The following DYSF variants were observed in gnomAD, a reference collection of about 807,000 sequenced individuals.
The protein encoded by DYSF is dysferlin.
Under a neutral mutation model 274.9 loss-of-function variants are expected in DYSF, and 212 were observed. The observed-to-expected ratio is 0.77, with a 90% CI of 0.69 to 0.86. The LOEUF is 0.86. Among genes scored for constraint, DYSF ranks in the 40% least tolerant of loss-of-function variants. The pLI is 0.00. For synonymous variants in DYSF, 1,091 were observed against 1,078.7 expected, an observed-to-expected ratio of 1.01 and a Z score of -0.22; for missense variants, 2,666 against 2,783.2, an observed-to-expected ratio of 0.96 and a Z score of 0.95.
At chr2:71,650,429 C>G (rs2094635889) in intron 42 of DYSF, among the ~76,000 whole-genome samples, 1 of 151,944 alleles carries the variant, frequency 6.6e-6, no homozygotes, top group Admixed American at 6.6e-5. Flanking sequence ...TGCAGTGAGC[C>G]AAGATGGTGC....
intron 55 of DYSF, 104 bp from the exon 56 acceptor site, chr2:71,686,350 G>A (rs2095356482): frequency 7.0e-7 from 1 of 1,437,040 alleles, no homozygotes; most frequent in Admixed American, 1.7e-5. Context: ...CTTGCCTGTT[G>A]GCAGCTTAGC....
At chr2:71,560,122 G>A (rs1319172129) in intron 22 of DYSF, among the ~76,000 whole-genome samples, 2 of 152,272 alleles carry the variant, frequency 1.3e-5, no homozygotes, top group South Asian at 2.1e-4. Flanking sequence ...TCCTCTTCCC[G>A]GTCTCCCCTT....
chr2:71,558,809 A>G (rs753574975), intron 22 of DYSF, among the ~76,000 whole-genome samples: 3 of 151,974 alleles, frequency 2.0e-5, no homozygotes, highest in African/African-American at 7.2e-5. Context: ...GAGAATGCAT[A>G]ATGCCTCTCT....
intron 30 of DYSF, among the ~76,000 whole-genome samples, chr2:71,582,103 T>C (rs1320674538): frequency 4.8e-5 from 3 of 61,926 alleles, no homozygotes; most frequent in Admixed American, 2.4e-4. Context: ...GGAGACTCCG[T>C]CTCAAAAAAA....
At chr2:71,506,953 G>A (rs1327871511) in intron 4 of DYSF, among the ~76,000 whole-genome samples, 1 of 152,134 alleles carries the variant, frequency 6.6e-6, no homozygotes, top group Non-Finnish European at 1.5e-5. Context: ...CAACCCGGAT[G>A]GTGCCAGTTC....
At chr2:71,631,729 G>C (rs372381578) in intron 41 of DYSF, among the ~76,000 whole-genome samples, 1 of 152,082 alleles carries the variant, frequency 6.6e-6, no homozygotes, top group Non-Finnish European at 1.5e-5. Context: ...CTCCTGTTAC[G>C]GGGGCTGGAG....
intron 10 of DYSF, among the ~76,000 whole-genome samples, chr2:71,518,027 C>G (rs2086838075): frequency 6.6e-6 from 1 of 152,116 alleles, no homozygotes; most frequent in Admixed American, 6.5e-5. Flanking sequence ...ACCCAGCGCT[C>G]TCTGCCCTGA....
intron 21 of DYSF, among the ~76,000 whole-genome samples, chr2:71,554,159 G>T (rs1412291078): frequency 6.6e-6 from 1 of 152,216 alleles, no homozygotes. Context: ...GGCAGCCCCA[G>T]TGTGCAGTGG....
At position 71,667,428 on chromosome 2, in the gene DYSF, T is replaced by C; in HGVS notation, c.5370T>C (p.Ala1790=). The part of the protein sequence containing the change: ...PHLGPVEERL[A]LHVLQQQGLV... Reference sequence around the variant, plus strand: ...TGGGCCCAGTGGAGGAGCGTCTGGCTCTGCATGTGCTTCAGCAGCAGGGCC... The same window carrying C: ...TGGGCCCAGTGGAGGAGCGTCTGGCCCTGCATGTGCTTCAGCAGCAGGGCC... The change falls in exon 48 of 56, where the codon GCT becomes GCC. Residue 1790 remains alanine, a synonymous_variant. Coordinates refer to ENST00000410020, the MANE Select transcript of DYSF (RefSeq NM_001130987.2). 6.2e-7 allele frequency: 1 copy of C among 1,614,074 alleles called. No homozygotes were observed. The highest frequency in any genetic ancestry group is 8.5e-7 in the Non-Finnish European group (1 of 1,180,032).
chr2:71,620,722 C>T, intron 41 of DYSF, 113 bp downstream of exon 41: 1 of 1,177,152 alleles, frequency 8.5e-7, no homozygotes, highest in Non-Finnish European at 1.2e-6. Flanking sequence ...GGAGGTATTT[C>T]CTGAGCCCTA....
At chr2:71,498,034 C>A (rs2084587995) in intron 3 of DYSF, among the ~76,000 whole-genome samples, 8 of 152,106 alleles carry the variant, frequency 5.3e-5, no homozygotes, top group Admixed American at 5.2e-4. Context: ...ATCCTTTAGA[C>A]CCCCAATAAA....
intron 13 of DYSF, 70 bp downstream of exon 13, chr2:71,526,416 G>A (rs1261346435): frequency 3.3e-5 from 17 of 513,532 alleles, no homozygotes; most frequent in Non-Finnish European, 5.9e-5. Flanking sequence ...GGGGGTGGGC[G>A]ATGGCGGGCG....
intron 55 of DYSF, 130 bp from the exon 56 acceptor site, chr2:71,686,324 C>T (rs977864790): frequency 1.6e-5 from 18 of 1,140,284 alleles, no homozygotes; most frequent in Admixed American, 1.3e-4. Flanking sequence ...GAGCCACGAG[C>T]GTCCTCTCCC....
At chr2:71,514,246 C>T (rs2086422086) in intron 7 of DYSF, among the ~76,000 whole-genome samples, 1 of 151,600 alleles carries the variant, frequency 6.6e-6, no homozygotes, top group Middle Eastern at 3.2e-3. Flanking sequence ...GTATATCCAA[C>T]CAGCAAGCTC....
intron 42 of DYSF, among the ~76,000 whole-genome samples, chr2:71,649,114 A>G (rs2094612263): frequency 6.9e-6 from 1 of 145,366 alleles, no homozygotes; most frequent in Admixed American, 6.9e-5. Flanking sequence ...TCTAGCCTGG[A>G]TAATAGAGCA....
chr2:71,681,139 C>T (rs1170345039), intron 54 of DYSF, 29 bp downstream of exon 54: 1 of 1,598,344 alleles, frequency 6.3e-7, no homozygotes, highest in South Asian at 1.1e-5. Context: ...AGCCCCAATG[C>T]CCACAGGTCT....
rs1415533361 is a variant in DYSF at position 71,636,659 on chromosome 2, A to AG, written c.4528-7303dup. Among the ~76,000 whole-genome samples the AG allele has an allele frequency of 5.9e-5, 9 of 152,314 alleles. No homozygotes were observed. The East Asian group carries it at 1.5e-3, about 26-fold the overall frequency. On this transcript the variant is annotated intron_variant, in intron 41 of 55. Coordinates refer to ENST00000410020, the MANE Select transcript of DYSF (RefSeq NM_001130987.2). Reference sequence around the variant, plus strand: ...GATGTCACATGGGCAGCTGGAGTCCAGGGAAGGCACCCAGGCTGGACAGAG... The same window carrying AG: ...GATGTCACATGGGCAGCTGGAGTCCAGGGGAAGGCACCCAGGCTGGACAGAG...
At chr2:71,497,189 A>C (rs1407543908) in intron 3 of DYSF, among the ~76,000 whole-genome samples, 1 of 152,236 alleles carries the variant, frequency 6.6e-6, no homozygotes, top group Non-Finnish European at 1.5e-5. Context: ...CAACAGAAAA[A>C]GAGTTTAATA....
intron 22 of DYSF, among the ~76,000 whole-genome samples, chr2:71,559,694 C>A (rs1300394188): frequency 6.6e-6 from 1 of 152,242 alleles, no homozygotes; most frequent in Non-Finnish European, 1.5e-5. Flanking sequence ...CTCTTTGGGC[C>A]TTACTAACGC....
Sources: allele counts gnomAD v4.1 joint callset (sites outside exome capture counted in the v4.1 genomes callset), GRCh38; gene constraint gnomAD v4.1.1; transcripts MANE v1.5; gene names NCBI Gene and HGNC (gene_info 2026-07-23, HGNC 2026-07-21).